The following APBB2 variants were observed in gnomAD, a reference collection of about 807,000 sequenced individuals.
APBB2 encodes Fe65-like 1.
Under a neutral mutation model 82.5 loss-of-function variants are expected in APBB2, and 38 were observed. The observed-to-expected ratio is 0.46, with a 90% CI of 0.36 to 0.60. The LOEUF (loss-of-function observed/expected upper bound fraction) is 0.60. Among genes scored for constraint, APBB2 ranks in the 20% least tolerant of loss-of-function variants. APBB2 has a pLI of 0.00. For missense variants in APBB2, 772 were observed against 972.3 expected (o/e 0.79, Z 2.74); for synonymous variants, 341 against 368.2 (o/e 0.93, Z 0.85).
At chr4:41,098,809 C>A (rs1744401979) in intron 3 of APBB2, among the ~76,000 whole-genome samples, 1 of 152,212 alleles carries the variant, frequency 6.6e-6, no homozygotes, top group South Asian at 2.1e-4. Context: ...CTAAACACCA[C>A]TGCAAATATC....
At chr4:41,118,877 C>T (rs866610328) in intron 2 of APBB2, among the ~76,000 whole-genome samples, 3 of 152,126 alleles carry the variant, frequency 2.0e-5, no homozygotes, top group African/African-American at 7.2e-5. Context: ...CGGTGGCTCA[C>T]GCCTGTAATT....
intron 4 of APBB2, 54 bp from the exon 5 acceptor site, chr4:41,033,358 A>T: frequency 8.3e-7 from 1 of 1,201,174 alleles, no homozygotes; most frequent in Non-Finnish European, 1.2e-6. Flanking sequence ...AAAGCATAAA[A>T]GAAAGAAAAG....
intron 10 of APBB2, among the ~76,000 whole-genome samples, chr4:40,919,833 T>G (rs1256737336): frequency 6.6e-6 from 1 of 152,230 alleles, no homozygotes; most frequent in Non-Finnish European, 1.5e-5. Flanking sequence ...GTTCCCAGAC[T>G]AGGCAATAGC....
At chr4:41,088,705 C>T (rs1433724549) in intron 3 of APBB2, among the ~76,000 whole-genome samples, 1 of 152,176 alleles carries the variant, frequency 6.6e-6, no homozygotes, top group Non-Finnish European at 1.5e-5. Context: ...TGGTAGAGGG[C>T]CCAGTGAGGA....
Position 40,982,440 on chromosome 4 carries a change from AGAAAGAAAGAAAGAATGAAT to A in APBB2, c.835+31123_835+31142del, listed in dbSNP as rs1560450042. Among the ~76,000 whole-genome samples the A allele has an allele frequency of 8.7e-4, 123 of 141,020 alleles. 13 individuals carry two copies. Among genetic ancestry groups the A allele is most frequent in the Middle Eastern group, 3.6e-3 (1 of 276 alleles). 92.5% of individuals were successfully genotyped at this position (141,020 alleles called of 152,430 possible). A position where few individuals can be genotyped will look rare whatever the true frequency, so the allele number is the denominator to read the frequency against. On this transcript the variant is annotated intron_variant, in intron 6 of 17. Coordinates refer to ENST00000508593, the MANE Select transcript of APBB2 (RefSeq NM_004307.2). ...AAGAAAGAAAGAAAGAAAGAAAGAAAGAAAGAAAGAAAGAATGAATGAATTTGAGACCAGAGACCAGCCTG... is the reference window on the plus strand; with the variant it reads ...AAGAAAGAAAGAAAGAAAGAAAGAAAGAATTTGAGACCAGAGACCAGCCTG...
At chr4:41,028,244 G>C (rs1715273991) in intron 5 of APBB2, among the ~76,000 whole-genome samples, 1 of 152,262 alleles carries the variant, frequency 6.6e-6, no homozygotes, top group African/African-American at 2.4e-5. Context: ...ATGGAGCGCA[G>C]AGCGCACACT....
intron 12 of APBB2, chr4:40,880,522 C>CT: frequency 1.0e-6 from 1 of 985,438 alleles, no homozygotes; most frequent in Non-Finnish European, 1.2e-6. Flanking sequence ...ATGGTTATGA[C>CT]TTCCTCTGTT....
At chr4:40,855,819 C>T (rs1577999309) in intron 12 of APBB2, among the ~76,000 whole-genome samples, 1 of 152,136 alleles carries the variant, frequency 6.6e-6, no homozygotes, top group Admixed American at 6.6e-5. Context: ...TTTGATAATA[C>T]TGGCTGATGC....
intron 6 of APBB2, among the ~76,000 whole-genome samples, chr4:40,978,298 A>G (rs1797670413): frequency 6.6e-6 from 1 of 152,202 alleles, no homozygotes; most frequent in Admixed American, 6.5e-5. Flanking sequence ...ATGCTGAGAT[A>G]TAACTTAAAT....
intron 6 of APBB2, among the ~76,000 whole-genome samples, chr4:40,982,262 GAAAGAAAGAAAGAA>G (rs1798809218): frequency 1.1e-4 from 3 of 28,500 alleles, no homozygotes; most frequent in African/African-American, 4.4e-4. Flanking sequence ...AAGAAAGAAA[GAAAGAAAGAAAGAA>G]AGAAAGAAGG....
At chr4:40,872,351 GAC>G (rs1188382396) in intron 12 of APBB2, among the ~76,000 whole-genome samples, 1 of 152,210 alleles carries the variant, frequency 6.6e-6, no homozygotes, top group Non-Finnish European at 1.5e-5. Context: ...CACGAACGGT[GAC>G]AGAAAGGCTA....
At chr4:40,889,676 T>C (rs576552364) in intron 12 of APBB2, among the ~76,000 whole-genome samples, 43 of 152,376 alleles carry the variant, frequency 2.8e-4, no homozygotes, top group Non-Finnish European at 5.0e-4. Context: ...TGATAACTGC[T>C]ATTTTATTAG....
intron 2 of APBB2, among the ~76,000 whole-genome samples, chr4:41,107,088 T>G (rs1360208785): frequency 6.6e-6 from 1 of 151,946 alleles, no homozygotes; most frequent in African/African-American, 2.4e-5. Context: ...GGCAGGCAGA[T>G]CACTTGAAGC....
intron 12 of APBB2, among the ~76,000 whole-genome samples, chr4:40,887,772 G>A (rs1441400179): frequency 2.0e-5 from 3 of 152,146 alleles, no homozygotes; most frequent in Admixed American, 6.6e-5. Flanking sequence ...CCATGATCTC[G>A]CTGAGGTCCT....
chr4:40,895,428 C>A (rs1025598695), intron 10 of APBB2, among the ~76,000 whole-genome samples: 1 of 152,190 alleles, frequency 6.6e-6, no homozygotes, highest in Non-Finnish European at 1.5e-5. Flanking sequence ...GGAACCAGCC[C>A]GATGGTGAAG....
chr4:41,061,739 T>G (rs1185008527), intron 4 of APBB2, among the ~76,000 whole-genome samples: 1 of 152,244 alleles, frequency 6.6e-6, no homozygotes, highest in Non-Finnish European at 1.5e-5. Flanking sequence ...TCGTGCTCAA[T>G]GGATGCCATT....
chr4:40,957,299 G>A (rs541062532), intron 6 of APBB2, among the ~76,000 whole-genome samples: 2 of 151,882 alleles, frequency 1.3e-5, no homozygotes, highest in African/African-American at 4.8e-5. Flanking sequence ...TGATTTCTGA[G>A]AGTCTGCAAC....
rs1360704636 is a variant in APBB2, at chr4:40,930,453, G to A, written c.1254+4003C>T. Among the ~76,000 whole-genome samples, 96 of 45,550 alleles carry A rather than the reference G, an allele frequency of 2.1e-3. 1 individual carries two copies. Among genetic ancestry groups the A allele is most frequent in the Admixed American group, 3.3e-3 (14 of 4,304 alleles). 29.9% of individuals were successfully genotyped at this position (45,550 alleles called of 152,430 possible). Reference sequence around the variant, plus strand: ...TGTGTGTGTGTGTGTGTGTGTGCGCGCGCGCGCGCGCGCGTGCGCGTGCGC... The same window carrying A: ...TGTGTGTGTGTGTGTGTGTGTGCGCACGCGCGCGCGCGCGTGCGCGTGCGC... On this transcript the variant is annotated intron_variant, in intron 10 of 17. Coordinates refer to ENST00000508593, the MANE Select transcript of APBB2 (RefSeq NM_004307.2).
At chr4:41,086,120 A>G (rs1449498148) in intron 3 of APBB2, among the ~76,000 whole-genome samples, 1 of 152,178 alleles carries the variant, frequency 6.6e-6, no homozygotes. Context: ...AAACTGAATC[A>G]TGAAGAAATG....
Sources: gnomAD v4.1 joint callset for allele counts (sites outside exome capture counted in the v4.1 genomes callset) on GRCh38, gnomAD v4.1.1 for gene constraint, MANE v1.5 for transcripts, NCBI Gene and HGNC (gene_info 2026-07-23, HGNC 2026-07-21) for gene names.